APCDD1L: variants seen among roughly 807,000 people sequenced by gnomAD.
APCDD1L encodes the protein APC down-regulated 1 like.
A neutral mutation model predicts 24.2 loss-of-function variants in APCDD1L; 21 were observed. The ratio of observed to expected loss-of-function variants is 0.87; its 90% CI spans 0.61 to 1.25. APCDD1L has a LOEUF of 1.25. APCDD1L is among the 50% of genes most tolerant of loss of function. APCDD1L has a pLI of 0.00. For synonymous variants in APCDD1L, 321 were observed against 323.6 expected, an observed-to-expected ratio of 0.99 and a Z score of 0.09; for missense variants, 704 against 711.7, an observed-to-expected ratio of 0.99 and a Z score of 0.12.
chr20:58,466,681 C>T (rs1989711563), intron 3 of APCDD1L, among the ~76,000 whole-genome samples: 1 of 152,230 alleles, frequency 6.6e-6, no homozygotes, highest in South Asian at 2.1e-4. Flanking sequence ...AACAGAGCTT[C>T]AGAGCGGGCT....
In APCDD1L at chr20:58,508,435, A is replaced by G. The variant is rs573976760; in HGVS notation, c.49+6224T>C. Among the ~76,000 whole-genome samples, 2 of 152,368 alleles carry G rather than the reference A, an allele frequency of 1.3e-5. No homozygotes were observed. The highest frequency in any genetic ancestry group is 1.3e-4 in the Admixed American group (2 of 15,306). ...GTGTCCATAAATCAAGAGAGACTCC[A>G]GCTGATGTGCTTTACATCTTGACAG... On this transcript the variant is annotated intron_variant, in intron 1 of 3. Coordinates refer to ENST00000371149, the MANE Select transcript of APCDD1L (RefSeq NM_153360.3). This position sits in a 1 kb window ranked among gnomAD's most constrained non-coding sequence, Gnocchi z 4.0.
chr20:58,483,629 C>G (rs1271310801), intron 1 of APCDD1L, among the ~76,000 whole-genome samples: 1 of 152,178 alleles, frequency 6.6e-6, no homozygotes, highest in African/African-American at 2.4e-5. Flanking sequence ...CAGTAATAAT[C>G]AGATGTGGCC....
chr20:58,465,139 G>T (rs1000341140), intron 3 of APCDD1L, among the ~76,000 whole-genome samples: 9 of 152,194 alleles, frequency 5.9e-5, no homozygotes, highest in Admixed American at 2.0e-4. Context: ...TAATGAGGTG[G>T]TGGTGGCCGG....
In APCDD1L at chr20:58,507,702, A is replaced by G. The variant is rs567134105; in HGVS notation, c.49+6957T>C. ...GAGAAACAGCAACTTCTGTTTCAGG[A>G]AGCTTGGGTGAAAAAACAGCAAGCT... is the stretch of plus-strand genomic sequence containing the variant. On this transcript the variant is annotated intron_variant, in intron 1 of 3. Coordinates refer to ENST00000371149, the MANE Select transcript of APCDD1L (RefSeq NM_153360.3). 2.6e-4 allele frequency among the ~76,000 whole-genome samples: 40 copies of G among 152,360 alleles called. No individual in the cohort carries two copies. In the South Asian group the frequency reaches 8.3e-3, roughly 32 times the overall value.
Position 58,461,134 on chromosome 20 carries a change from C to T in APCDD1L, c.1162G>A (p.Gly388Ser), listed in dbSNP as rs745692203. Residue 388 changes from glycine to serine, a missense_variant, in exon 4 of 4, where the codon GGC (glycine) becomes AGC (serine). Gly to Ser is a moderately conservative substitution (Grantham distance 56). Transcript: ENST00000371149. The surrounding 1 kb of genome is among the most constrained non-coding windows in gnomAD (Gnocchi z 6.0). ...GTGGCTGTGACATCCCGCTCAGTGC[C>T]CATGGACCAGGCCCCCGCACCCCCA... ...SCGGAGAWSMGTERDVTATNG... is the reference protein window; with the variant it reads ...SCGGAGAWSMSTERDVTATNG... The T allele has an allele frequency of 6.2e-7, 1 of 1,613,334 alleles. No homozygotes were observed. Among genetic ancestry groups the T allele is most frequent in the African/African-American group, 1.3e-5 (1 of 74,892 alleles).
At chr20:58,466,128 A>AAAAAG (rs1989700900) in intron 3 of APCDD1L, among the ~76,000 whole-genome samples, 1 of 150,728 alleles carries the variant, frequency 6.6e-6, no homozygotes, top group Non-Finnish European at 1.5e-5. Context: ...CATCTGGCAA[A>AAAAAG]AAAAAAAAAA....
At chr20:58,471,291 C>T (rs1989807880) in intron 1 of APCDD1L, among the ~76,000 whole-genome samples, 1 of 152,222 alleles carries the variant, frequency 6.6e-6, no homozygotes, top group Non-Finnish European at 1.5e-5. Context: ...CTCGAGGCCA[C>T]TCGCTTCAGG....
chr20:58,481,776 G>C (rs1251960742), intron 1 of APCDD1L, among the ~76,000 whole-genome samples: 1 of 152,168 alleles, frequency 6.6e-6, no homozygotes, highest in African/African-American at 2.4e-5. Context: ...AGCCTCCCTC[G>C]TTCCACCCAG....
In APCDD1L at chr20:58,494,914, C is replaced by T. The variant is rs1427597058; in HGVS notation, c.49+19745G>A. ...GGAATGCTCTTTTTGGGCCTTCTGG[C>T]TCATTCTCCTCCTTCAGCTCAAGCG... On this transcript the variant is annotated intron_variant, in intron 1 of 3. Coordinates refer to ENST00000371149, the MANE Select transcript of APCDD1L (RefSeq NM_153360.3). The surrounding 1 kb of genome is among the most constrained non-coding windows in gnomAD (Gnocchi z 4.8). 6.6e-6 allele frequency among the ~76,000 whole-genome samples: 1 copy of T among 152,142 alleles called. No individual in the cohort carries two copies. Among genetic ancestry groups the T allele is most frequent in the Middle Eastern group, 3.2e-3 (1 of 316 alleles).
At chr20:58,462,760 C>T (rs998899556) in intron 3 of APCDD1L, among the ~76,000 whole-genome samples, 4 of 150,902 alleles carry the variant, frequency 2.7e-5, no homozygotes, top group Admixed American at 2.0e-4. Context: ...AGGAGAATTG[C>T]TTGAACCTGG....
rs8119710 is a variant in APCDD1L at position 58,508,470 on chromosome 20, C to A, written c.49+6189G>T. Among the ~76,000 whole-genome samples, 1 of 152,162 alleles carries A rather than the reference C, an allele frequency of 6.6e-6. No individual in the cohort carries two copies. The highest frequency in any genetic ancestry group is 1.5e-5 in the Non-Finnish European group (1 of 68,044). On this transcript the variant is annotated intron_variant, in intron 1 of 3. Transcript: ENST00000371149. The surrounding 1 kb of genome is among the most constrained non-coding windows in gnomAD (Gnocchi z 4.0). ...CTTTACATCTTGACAGCATACAAGG[C>A]TTTTAAATCTCAAAATGCCCCCTGA...
At chr20:58,469,368 T>C (rs898825722) in intron 2 of APCDD1L, among the ~76,000 whole-genome samples, 1 of 151,884 alleles carries the variant, frequency 6.6e-6, no homozygotes, top group East Asian at 1.9e-4. Flanking sequence ...GAGGGGAGAT[T>C]TGCCAGGAGG....
chr20:58,514,576 AG>A (rs1555825734), intron 1 of APCDD1L, 82 bp downstream of exon 1: 3 of 1,230,064 alleles, frequency 2.4e-6, no homozygotes, highest in Non-Finnish European at 3.1e-6. Context: ...GTAGTCCCCA[AG>A]GGCCCTTAGG....
In APCDD1L at chr20:58,461,429, G is replaced by A. The variant is rs1030386335; in HGVS notation, c.867C>T (p.Cys289=). 1.4e-5 allele frequency: 22 copies of A among 1,521,526 alleles called. No homozygotes were observed. Among genetic ancestry groups the A allele is most frequent in the South Asian group, 2.6e-5 (2 of 78,072 alleles). 94.3% of individuals were successfully genotyped at this position (1,521,526 alleles called of 1,614,324 possible). Residue 289 remains cysteine, a synonymous_variant, in exon 4 of 4, where the codon TGC becomes TGT. Coordinates refer to ENST00000371149, the MANE Select transcript of APCDD1L (RefSeq NM_153360.3). The surrounding 1 kb of genome is among the most constrained non-coding windows in gnomAD (Gnocchi z 6.0). The part of the protein sequence containing the change: ...HLGGWWVSSG[C]EVRPAVLFLT... ...GGAACAGGACTGCTGGGCGCACCTC[G>A]CACCCCGAGCTGACCCACCAGCCGC...
chr20:58,467,746 C>T lies in APCDD1L; in HGVS notation c.189-88G>A, dbSNP rs1034978906. 1.5e-4 allele frequency: 192 copies of T among 1,280,362 alleles called. No individual in the cohort carries two copies. The highest frequency in any genetic ancestry group is 1.9e-4 in the Non-Finnish European group (183 of 983,134). The allele number at this position is 1,280,362 out of a possible 1,614,324, so 79.3% of individuals were successfully genotyped here. A position where few individuals can be genotyped will look rare whatever the true frequency, so the allele number is the denominator to read the frequency against. ...CCTCTGGGCTGGGCTCCTTTCTCCC[C>T]CCCAGCCCTCCTCTTAGTCCTCAGC... On this transcript the variant is annotated intron_variant, in intron 2 of 3. Transcript: ENST00000371149. The surrounding 1 kb of genome is among the most constrained non-coding windows in gnomAD (Gnocchi z 5.9).
chr20:58,470,049 A>G (rs564487714), intron 2 of APCDD1L, among the ~76,000 whole-genome samples: 1 of 152,354 alleles, frequency 6.6e-6, no homozygotes, highest in East Asian at 1.9e-4. Flanking sequence ...AGACAGAATT[A>G]GATGGGTGCA....
At chr20:58,472,019 A>G (rs1001538169) in intron 1 of APCDD1L, among the ~76,000 whole-genome samples, 1 of 152,184 alleles carries the variant, frequency 6.6e-6, no homozygotes, top group Non-Finnish European at 1.5e-5. Context: ...CTGACCTTGC[A>G]GGCAGACCTT....
At chr20:58,499,590 C>T (rs1454230570) in intron 1 of APCDD1L, among the ~76,000 whole-genome samples, 4 of 152,212 alleles carry the variant, frequency 2.6e-5, no homozygotes. Context: ...TGCCCTTGGA[C>T]AAGCTGTGGC....
chr20:58,462,598 C>T (rs1989629224), intron 3 of APCDD1L, among the ~76,000 whole-genome samples: 1 of 152,186 alleles, frequency 6.6e-6, no homozygotes. Context: ...AATCCCAGCT[C>T]TTTGGGAGGC....
Sources: allele counts gnomAD v4.1 joint callset (sites outside exome capture counted in the v4.1 genomes callset), GRCh38; gene constraint gnomAD v4.1.1; non-coding constraint Gnocchi (gnomAD v3.1); transcripts MANE v1.5; gene names NCBI Gene and HGNC (gene_info 2026-07-23, HGNC 2026-07-21).